EPB41L4B: variants seen among roughly 807,000 people sequenced by gnomAD.
EPB41L4B encodes the protein erythrocyte membrane protein band 4.1 like 4B, also known as band 4.1-like protein 4B.
Under a neutral mutation model 112.5 loss-of-function variants are expected in EPB41L4B, and 30 were observed. The observed-to-expected ratio is 0.27, with a 90% CI of 0.20 to 0.36. The LOEUF is 0.36. Among genes scored for constraint, EPB41L4B ranks in the 10% least tolerant of loss-of-function variants. The probability of loss-of-function intolerance (pLI) is 1.00; values close to 1 mark genes in which losing one functional copy is unlikely to be tolerated. For synonymous variants in EPB41L4B, 408 were observed against 439.7 expected (o/e 0.93, Z 0.90); for missense variants, 1,024 against 1,133.3 (o/e 0.90, Z 1.38).
rs140427796 is a variant in EPB41L4B at position 109,245,619 on chromosome 9, G to A, written c.1345-1937C>T. ...CTCTCCCTCCCCAAATGCCAACAGC[G>A]TCCTCATTGAGAACACAGAGATCCA... On this transcript the variant is annotated intron_variant, in intron 14 of 25. Coordinates refer to ENST00000374566, the MANE Select transcript of EPB41L4B (RefSeq NM_019114.5). Among the ~76,000 whole-genome samples, 294 of 152,214 alleles carry A rather than the reference G, an allele frequency of 1.9e-3. 1 individual carries two copies. The highest frequency in any genetic ancestry group is 6.8e-3 in the African/African-American group (281 of 41,530).
chr9:109,206,880 C>A (rs1050144785), intron 18 of EPB41L4B, among the ~76,000 whole-genome samples: 1 of 152,246 alleles, frequency 6.6e-6, no homozygotes, highest in Non-Finnish European at 1.5e-5. Flanking sequence ...CCTGCTCCTG[C>A]GAGTCACCCC....
chr9:109,247,808 A>C lies in EPB41L4B; in HGVS notation c.1311-19T>G. On this transcript the variant is annotated intron_variant, in intron 13 of 25. Coordinates refer to ENST00000374566, the MANE Select transcript of EPB41L4B (RefSeq NM_019114.5). Reference sequence around the variant, plus strand: ...TTTAGAGCTAAACAAACAAACAAACAAAAAACAGAAAAAAAAAGAAAAATA... The same window carrying C: ...TTTAGAGCTAAACAAACAAACAAACCAAAAACAGAAAAAAAAAGAAAAATA... The C allele has an allele frequency of 6.8e-7, 1 of 1,476,522 alleles. No homozygotes were observed. Among genetic ancestry groups the C allele is most frequent in the Non-Finnish European group, 9.0e-7 (1 of 1,110,086 alleles). 91.5% of individuals were successfully genotyped at this position (1,476,522 alleles called of 1,614,324 possible). A position where few individuals can be genotyped will look rare whatever the true frequency, so the allele number is the denominator to read the frequency against.
chr9:109,232,329 T>A (rs1833981846), intron 15 of EPB41L4B, among the ~76,000 whole-genome samples: 1 of 151,980 alleles, frequency 6.6e-6, no homozygotes, highest in Admixed American at 6.6e-5. Context: ...TTTTGGTGCG[T>A]CTCATTTCTG....
At chr9:109,264,518 C>T (rs558858002) in intron 5 of EPB41L4B, among the ~76,000 whole-genome samples, 2 of 152,234 alleles carry the variant, frequency 1.3e-5, no homozygotes, top group East Asian at 1.9e-4. Flanking sequence ...TATTTCAAAG[C>T]CATTTTTAAG....
intron 15 of EPB41L4B, among the ~76,000 whole-genome samples, chr9:109,219,109 A>C (rs942759362): frequency 2.6e-5 from 4 of 152,276 alleles, no homozygotes; most frequent in South Asian, 4.1e-4. Flanking sequence ...TCTTATAGGA[A>C]ACCCCATTCC....
chr9:109,216,097 T>C (rs1396453880), intron 16 of EPB41L4B, among the ~76,000 whole-genome samples: 1 of 152,234 alleles, frequency 6.6e-6, no homozygotes, highest in East Asian at 1.9e-4. Flanking sequence ...TGGGATAGAA[T>C]GAGTTTTTCT....
chr9:109,248,503 A>G (rs1261927990), intron 13 of EPB41L4B, among the ~76,000 whole-genome samples: 2 of 152,194 alleles, frequency 1.3e-5, no homozygotes, highest in Non-Finnish European at 2.9e-5. Flanking sequence ...GGCTAGAATC[A>G]ACATCTGCAG....
At chr9:109,304,620 C>G (rs1036529613) in intron 1 of EPB41L4B, among the ~76,000 whole-genome samples, 2 of 152,128 alleles carry the variant, frequency 1.3e-5, no homozygotes, top group Non-Finnish European at 2.9e-5. Context: ...CTCCTAGTTG[C>G]CTGATCTCTG....
intron 18 of EPB41L4B, among the ~76,000 whole-genome samples, chr9:109,206,854 C>T (rs1833006900): frequency 6.6e-6 from 1 of 152,238 alleles, no homozygotes; most frequent in African/African-American, 2.4e-5. Flanking sequence ...CCACATGGGG[C>T]GCTCCTTGTC....
intron 19 of EPB41L4B, 70 bp downstream of exon 19, chr9:109,203,593 G>T: frequency 1.6e-6 from 2 of 1,251,984 alleles, no homozygotes; most frequent in South Asian, 1.2e-5. Context: ...GCCCTCGTGA[G>T]CAATGTTTCA....
chr9:109,281,633 C>T (rs1346044373), intron 1 of EPB41L4B, among the ~76,000 whole-genome samples: 1 of 151,848 alleles, frequency 6.6e-6, no homozygotes, highest in African/African-American at 2.4e-5. Flanking sequence ...TGCAGCGAGC[C>T]GAGATTGTGC....
Position 109,320,148 on chromosome 9 carries a change from T to C in EPB41L4B, c.299A>G (p.Asp100Gly). The change falls in exon 1 of 26, where the codon GAC becomes GGC. Residue 100 changes from aspartate to glycine, a missense_variant. Physicochemically the swap from Asp to Gly is moderately conservative, Grantham distance 94. Transcript: ENST00000374566. ...ACTGGCCCCGTCACTCACCGGCAGGTCCACGCTCACTTCGGTCCCGTCGAG... is the reference window on the plus strand; with the variant it reads ...ACTGGCCCCGTCACTCACCGGCAGGCCCACGCTCACTTCGGTCCCGTCGAG... ...FLLDGTEVSV[D>G]LPKHAKGQDL... 6.8e-7 allele frequency: 1 copy of C among 1,466,976 alleles called. No homozygotes were observed. The highest frequency in any genetic ancestry group is 9.0e-7 in the Non-Finnish European group (1 of 1,106,888). The allele number at this position is 1,466,976 out of a possible 1,614,324, so 90.9% of individuals were successfully genotyped here.
chr9:109,224,665 C>T (rs1184209118), intron 15 of EPB41L4B, among the ~76,000 whole-genome samples: 1 of 152,136 alleles, frequency 6.6e-6, no homozygotes, highest in Non-Finnish European at 1.5e-5. Context: ...TACTAAAAAA[C>T]ATTAAGTTGT....
intron 15 of EPB41L4B, among the ~76,000 whole-genome samples, chr9:109,226,992 C>T (rs554044066): frequency 4.6e-5 from 7 of 151,798 alleles, no homozygotes; most frequent in African/African-American, 1.7e-4. Context: ...GTGTGCACTA[C>T]CACACCTGGC....
rs1588249078 is a variant in EPB41L4B at position 109,320,026 on chromosome 9, G to GGAGGGGATCCCCAGGGAGGTGC, written c.306+93_306+114dup. Reference sequence around the variant, plus strand: ...AGGAGTGCTCGGAGAAGAGGATGGGGGAGGGGATCCCCAGGGAGGTGCAAG... The same window carrying GGAGGGGATCCCCAGGGAGGTGC: ...AGGAGTGCTCGGAGAAGAGGATGGGGGAGGGGATCCCCAGGGAGGTGCGAGGGGATCCCCAGGGAGGTGCAAG... On this transcript the variant is annotated intron_variant, in intron 1 of 25. Coordinates refer to ENST00000374566, the MANE Select transcript of EPB41L4B (RefSeq NM_019114.5). 1.4e-4 allele frequency: 117 copies of GGAGGGGATCCCCAGGGAGGTGC among 821,388 alleles called. 1 individual carries two copies. The East Asian group carries it at 4.2e-3, about 30-fold the overall frequency. The allele number at this position is 821,388 out of a possible 1,614,324, so 50.9% of individuals were successfully genotyped here.
At chr9:109,252,635 A>G (rs1834831969) in intron 12 of EPB41L4B, among the ~76,000 whole-genome samples, 2 of 152,216 alleles carry the variant, frequency 1.3e-5, no homozygotes, top group Non-Finnish European at 1.5e-5. Context: ...CTAAGTCCTG[A>G]GCCAAGAAAA....
rs1216955843 is a variant in EPB41L4B at position 109,258,187 on chromosome 9, T to C, written c.742A>G (p.Lys248Glu). Residue 248 changes from lysine (K) to glutamate (E), a missense_variant, in exon 7 of 26, where the codon AAA (lysine) becomes GAA (glutamate). Lys to Glu is a moderately conservative substitution (Grantham distance 56). Coordinates refer to ENST00000374566, the MANE Select transcript of EPB41L4B (RefSeq NM_019114.5). ...GTTGCATCAAGGTACCTGCACTCTT[T>C]CCATCTCTGGAAGATATCAAATTCC... ...AMEFDIFQRW[K>E]ECRGKSPAQA... 2 of 1,613,438 alleles carry C rather than the reference T, an allele frequency of 1.2e-6. No individual in the cohort carries two copies. The highest frequency in any genetic ancestry group is 4.5e-5 in the East Asian group (2 of 44,866).
At chr9:109,281,714 A>AATTAATT (rs1564317164) in intron 1 of EPB41L4B, among the ~76,000 whole-genome samples, 2 of 124,804 alleles carry the variant, frequency 1.6e-5, no homozygotes, top group African/African-American at 7.3e-5. Flanking sequence ...ATAAATAAAT[A>AATTAATT]AATAAATAAA....
intron 1 of EPB41L4B, among the ~76,000 whole-genome samples, chr9:109,304,507 T>C (rs927409830): frequency 6.6e-6 from 1 of 152,230 alleles, no homozygotes; most frequent in Non-Finnish European, 1.5e-5. Context: ...CATAGATGAA[T>C]TCTTCCTTGA....
Sources: allele counts gnomAD v4.1 joint callset (sites outside exome capture counted in the v4.1 genomes callset), GRCh38; gene constraint gnomAD v4.1.1; transcripts MANE v1.5; gene names NCBI Gene and HGNC (gene_info 2026-07-23, HGNC 2026-07-21).